Variants in GPR89A observed in about 807,000 individuals in gnomAD.
The protein encoded by GPR89A is G protein-coupled receptor 89A.
A neutral mutation model predicts 52.0 loss-of-function variants in GPR89A; 16 were observed. The ratio of observed to expected loss-of-function variants is 0.31; its 90% CI spans 0.21 to 0.47. GPR89A has a LOEUF of 0.47. Among genes scored for constraint, GPR89A ranks in the 20% least tolerant of loss-of-function variants. The pLI is 1.00. For synonymous variants in GPR89A, 55 were observed against 150.9 expected (o/e 0.36, Z 4.66); for missense variants, 135 against 449.4 (o/e 0.30, Z 6.33).
At chr1:145,626,914 C>T (rs1649539180) in intron 5 of GPR89A, among the ~76,000 whole-genome samples, 1 of 126,286 alleles carries the variant, frequency 7.9e-6, no homozygotes, top group Admixed American at 8.5e-5. Context: ...GATCGTGCCA[C>T]TCCCCTCCAG....
chr1:145,639,833 G>A (rs1349680771), intron 7 of GPR89A, among the ~76,000 whole-genome samples: 5 of 151,384 alleles, frequency 3.3e-5, no homozygotes, highest in Non-Finnish European at 7.4e-5. Flanking sequence ...GTTCAGTGGA[G>A]GAAAGATAAC....
rs587627914 is a variant in GPR89A at position 145,656,129 on chromosome 1, C to T, written c.910-7200C>T. 7.2e-5 allele frequency among the ~76,000 whole-genome samples: 11 copies of T among 152,248 alleles called. No homozygotes were observed. In the East Asian group the frequency reaches 1.2e-3, roughly 16 times the overall value. On this transcript the variant is annotated intron_variant, in intron 10 of 13. Transcript: ENST00000313835. ...CCTGGTCCAAACCACCTATTCTCCC[C>T]GGCACTGGCAGGGGAAAAGGGCAGA...
At chr1:145,650,906 T>C (rs1364996786) in intron 10 of GPR89A, among the ~76,000 whole-genome samples, 2 of 152,156 alleles carry the variant, frequency 1.3e-5, no homozygotes, top group East Asian at 3.8e-4. Context: ...CTTTGTCAGA[T>C]GGATAGATTG....
At chr1:145,635,933 T>TG (rs1553690652) in intron 7 of GPR89A, among the ~76,000 whole-genome samples, 2 of 151,676 alleles carry the variant, frequency 1.3e-5, no homozygotes, top group Non-Finnish European at 2.9e-5. Flanking sequence ...CACTCCAGCC[T>TG]GGGGGCAGAA....
chr1:145,621,105 G>C (rs1553688052), intron 3 of GPR89A, among the ~76,000 whole-genome samples: 1 of 151,842 alleles, frequency 6.6e-6, no homozygotes, highest in Non-Finnish European at 1.5e-5. Flanking sequence ...AGCTTTTACT[G>C]AATGGCTCTT....
In GPR89A at chr1:145,633,979, A is replaced by T. The variant is rs189729815; in HGVS notation, c.617+2235A>T. Among the ~76,000 whole-genome samples, 428 of 152,074 alleles carry T rather than the reference A, an allele frequency of 2.8e-3. 1 individual carries two copies. Among genetic ancestry groups the T allele is most frequent in the Non-Finnish European group, 5.0e-3 (343 of 68,012 alleles). On this transcript the variant is annotated intron_variant, in intron 7 of 13. Coordinates refer to ENST00000313835, the MANE Select transcript of GPR89A (RefSeq NM_001097612.2). ...TGGACACTGAAAACTATACAACATT[A>T]ATAGAAGAAATTGAAGTCTACACAA...
At chr1:145,650,844 A>AT (rs1429259630) in intron 10 of GPR89A, among the ~76,000 whole-genome samples, 1 of 151,238 alleles carries the variant, frequency 6.6e-6, no homozygotes, top group African/African-American at 2.4e-5. Flanking sequence ...GGGTTGTTTG[A>AT]TTTTTTTCTT....
chr1:145,616,697 A>G (rs180799924), intron 2 of GPR89A, among the ~76,000 whole-genome samples: 4,565 of 152,134 alleles, frequency 0.03, 206 homozygotes, highest in African/African-American at 0.1. Context: ...CAATATTTCA[A>G]CATAGGTTCT....
intron 3 of GPR89A, among the ~76,000 whole-genome samples, chr1:145,621,272 A>G (rs587767332): frequency 6.7e-6 from 1 of 150,288 alleles, no homozygotes; most frequent in East Asian, 2.0e-4. Context: ...AATCTTGTTA[A>G]TAATTCAGTA....
At chr1:145,638,993 A>G (rs1650436893) in intron 7 of GPR89A, among the ~76,000 whole-genome samples, 1 of 150,242 alleles carries the variant, frequency 6.7e-6, no homozygotes, top group South Asian at 2.1e-4. Context: ...TTGTCTTTCT[A>G]TAAGCTAGCA....
chr1:145,661,731 A>G (rs1191416283), intron 10 of GPR89A, among the ~76,000 whole-genome samples: 1 of 151,178 alleles, frequency 6.6e-6, no homozygotes, highest in East Asian at 1.9e-4. Context: ...ATTTCTTAAG[A>G]TGGAAACTAA....
chr1:145,618,525 TA>T, intron 3 of GPR89A, 102 bp downstream of exon 3: 1 of 480,676 alleles, frequency 2.1e-6, no homozygotes, highest in Non-Finnish European at 3.4e-6. Context: ...AACACTGTGT[TA>T]ATAGTTCAGT....
chr1:145,623,199 A>T (rs1553688447), intron 4 of GPR89A, 39 bp downstream of exon 4: 1 of 1,611,076 alleles, frequency 6.2e-7, no homozygotes, highest in Non-Finnish European at 8.5e-7. Context: ...ATAGATTGAG[A>T]TGAGTATTTG....
rs1441839008 is a variant in GPR89A at position 145,609,551 on chromosome 1, G to A, written c.42+1376G>A. On this transcript the variant is annotated intron_variant, in intron 1 of 13. Coordinates refer to ENST00000313835, the MANE Select transcript of GPR89A (RefSeq NM_001097612.2). ...CCAGTGCCCTTGGTGACAACTCAGG[G>A]TTATTTTTAGCCTTAGTACCAATTT... Among the ~76,000 whole-genome samples the A allele has an allele frequency of 4.6e-5, 7 of 152,254 alleles. No homozygotes were observed. The South Asian group carries it at 6.2e-4, about 14-fold the overall frequency.
At chr1:145,613,787 GT>G (rs1452131331) in intron 1 of GPR89A, among the ~76,000 whole-genome samples, 2 of 150,312 alleles carry the variant, frequency 1.3e-5, no homozygotes, top group African/African-American at 2.5e-5. Flanking sequence ...TTCGTTTTTT[GT>G]TTGTTTGTTT....
At chr1:145,665,294 AC>A (rs1553696236) in intron 11 of GPR89A, among the ~76,000 whole-genome samples, 1 of 151,788 alleles carries the variant, frequency 6.6e-6, no homozygotes, top group African/African-American at 2.4e-5. Flanking sequence ...ACGAGCCTGA[AC>A]TACATAGCAA....
intron 1 of GPR89A, 22 bp downstream of exon 1, chr1:145,608,197 C>A (rs371060866): frequency 1.2e-6 from 2 of 1,613,848 alleles, no homozygotes; most frequent in Non-Finnish European, 1.7e-6. Flanking sequence ...CCTCCCGCCC[C>A]GACACCCGTC....
chr1:145,611,626 CCA>C (rs1483773173), intron 1 of GPR89A: 5 of 151,130 alleles, frequency 3.3e-5, no homozygotes, highest in Non-Finnish European at 5.9e-5. Flanking sequence ...ATTCCCCTCC[CCA>C]CCATATAAAC....
chr1:145,616,570 A>T (rs1553687065), intron 2 of GPR89A, among the ~76,000 whole-genome samples: 1 of 152,080 alleles, frequency 6.6e-6, no homozygotes, highest in African/African-American at 2.4e-5. Context: ...GTAGGAGAGA[A>T]TTTAATTCAT....
Sources: allele counts gnomAD v4.1 joint callset (sites outside exome capture counted in the v4.1 genomes callset), GRCh38; gene constraint gnomAD v4.1.1; transcripts MANE v1.5; gene names NCBI Gene and HGNC (gene_info 2026-07-23, HGNC 2026-07-21).